Variants in USP9X observed in about 807,000 individuals in gnomAD.
The protein encoded by USP9X is ubiquitin carboxyl-terminal hydrolase 9X.
Under a neutral mutation model 190.3 loss-of-function variants are expected in USP9X, and 7 were observed. That is an observed-to-expected ratio of 0.04 (90% confidence interval 0.02 to 0.07). The LOEUF is 0.07. Among genes scored for constraint, USP9X ranks in the 10% least tolerant of loss-of-function variants. The pLI is 1.00. For synonymous variants in USP9X, 645 were observed against 659.5 expected (o/e 0.98, Z 0.34); for missense variants, 1,010 against 1,916.9 (o/e 0.53, Z 8.83).
chrX:41,097,913 T>C lies in USP9X; in HGVS notation c.-159+11804T>C, dbSNP rs528144445. On this transcript the variant is annotated intron_variant, in intron 1 of 44. Transcript: ENST00000378308. ...AGTGTCTTAGACTGCCAAGAGAAGA[T>C]GTGATGTTATCTTTTGAGTGGCTTA... is the stretch of plus-strand genomic sequence containing the variant. 2.7e-5 allele frequency among the ~76,000 whole-genome samples: 3 copies of C among 111,937 alleles called. No homozygotes were observed. The South Asian group carries it at 1.1e-3, about 41-fold the overall frequency.
chrX:41,181,313 C>G (rs2062823448), intron 21 of USP9X, among the ~76,000 whole-genome samples: 1 of 88,717 alleles, frequency 1.1e-5, no homozygotes, highest in East Asian at 3.8e-4. Flanking sequence ...GGGCCTTACT[C>G]TGTGTCCCAG....
intron 26 of USP9X, among the ~76,000 whole-genome samples, chrX:41,194,594 G>C (rs760846935): frequency 4.5e-5 from 5 of 111,206 alleles, no homozygotes; most frequent in Non-Finnish European, 7.5e-5. Flanking sequence ...GAGTTATCTA[G>C]TAACTAGCAC....
At chrX:41,147,538 C>T (rs1458260076) in intron 11 of USP9X, among the ~76,000 whole-genome samples, 2 of 103,253 alleles carry the variant, frequency 1.9e-5, no homozygotes, top group Non-Finnish European at 3.9e-5. Context: ...ACTGCATCCT[C>T]CACTTCCTGG....
rs777877199 is a variant in USP9X, at chrX:41,230,348, T to G, written c.7432-153T>G. ...GGTTTTTTGTTTTGTTTTTTTTTTT[T>G]TTGTTTTTTCCCCAAGTTCTTTATC... On this transcript the variant is annotated intron_variant, in intron 43 of 44. Transcript: ENST00000378308. Among the ~76,000 whole-genome samples, 382 of 110,870 alleles carry G rather than the reference T, an allele frequency of 3.4e-3. 3 individuals are homozygous for G. Among genetic ancestry groups the G allele is most frequent in the African/African-American group, 0.011 (346 of 30,674 alleles).
intron 14 of USP9X, among the ~76,000 whole-genome samples, chrX:41,159,595 G>A (rs1278760343): frequency 9.1e-6 from 1 of 109,832 alleles, no homozygotes; most frequent in Non-Finnish European, 1.9e-5. Flanking sequence ...AGTGGCGCCA[G>A]CTCGGCACAC....
At chrX:41,134,051 A>G (rs751213912) in intron 4 of USP9X, among the ~76,000 whole-genome samples, 1 of 112,434 alleles carries the variant, frequency 8.9e-6, no homozygotes, top group South Asian at 3.6e-4. Flanking sequence ...TAGCATTGAC[A>G]TTCAGTGGAC....
At chrX:41,093,528 G>T (rs1176744200) in intron 1 of USP9X, among the ~76,000 whole-genome samples, 2 of 111,517 alleles carry the variant, frequency 1.8e-5, no homozygotes, top group African/African-American at 6.5e-5. Flanking sequence ...ATTTTTAATA[G>T]AGTTGGGGTT....
At chrX:41,172,620 C>T (rs745921436) in intron 21 of USP9X, among the ~76,000 whole-genome samples, 12 of 112,166 alleles carry the variant, frequency 1.1e-4, no homozygotes, top group African/African-American at 3.6e-4. Context: ...TCAACATCTA[C>T]GTTTCCAAGA....
At position 41,136,863 on chromosome X, in the gene USP9X, A is replaced by G. The variant is rs757193335; in HGVS notation, c.495A>G (p.Gln165=). ...AGCTATGTGTGGCCAAGTTGTCCCAAGACTGGTTTCCACTTTTAGAACTTC... is the reference window on the plus strand; with the variant it reads ...AGCTATGTGTGGCCAAGTTGTCCCAGGACTGGTTTCCACTTTTAGAACTTC... ...LVELCVAKLS[Q]DWFPLLELLA... The change falls in exon 6 of 45, where the codon CAA becomes CAG. Residue 165 remains glutamine, a synonymous_variant. Coordinates refer to ENST00000378308, the MANE Select transcript of USP9X (RefSeq NM_001039591.3). 6 of 1,209,870 alleles carry G rather than the reference A, an allele frequency of 5.0e-6. No homozygotes were observed. Among genetic ancestry groups the G allele is most frequent in the Non-Finnish European group, 5.6e-6 (5 of 895,173 alleles).
At chrX:41,172,529 T>C (rs1245952999) in intron 21 of USP9X, among the ~76,000 whole-genome samples, 2 of 112,232 alleles carry the variant, frequency 1.8e-5, no homozygotes, top group Admixed American at 9.5e-5. Context: ...CTTACAGATA[T>C]ATACTGATTT....
At chrX:41,210,286 G>C (rs2063146592) in intron 32 of USP9X, among the ~76,000 whole-genome samples, 1 of 111,831 alleles carries the variant, frequency 8.9e-6, no homozygotes, top group Admixed American at 9.5e-5. Flanking sequence ...TTTGCCGCTA[G>C]AGTACTAGTT....
At chrX:41,213,427 T>TA (rs1361575540) in intron 33 of USP9X, among the ~76,000 whole-genome samples, 2 of 112,532 alleles carry the variant, frequency 1.8e-5, no homozygotes, top group South Asian at 3.6e-4. Flanking sequence ...TGTAGGCTAA[T>TA]ATAAGTGTTC....
At chrX:41,202,844 A>G (rs1157613560) in intron 31 of USP9X, among the ~76,000 whole-genome samples, 1 of 111,991 alleles carries the variant, frequency 8.9e-6, no homozygotes, top group Non-Finnish European at 1.9e-5. Context: ...AGAAAATATA[A>G]CACAATTTCA....
At chrX:41,192,236 T>G (rs1307152210) in intron 26 of USP9X, among the ~76,000 whole-genome samples, 1 of 112,155 alleles carries the variant, frequency 8.9e-6, no homozygotes, top group Admixed American at 9.5e-5. Flanking sequence ...CTCCATAATT[T>G]GGTCCCTGCT....
Position 41,236,142 on chromosome X carries a change from T to C in USP9X, c.*3618T>C, listed in dbSNP as rs73480481. 109 of 110,610 alleles carry C rather than the reference T, an allele frequency of 9.9e-4. No homozygotes were observed. The highest frequency in any genetic ancestry group is 3.5e-3 in the African/African-American group (105 of 30,385). The allele number at this position is 110,610 out of a possible 1,213,427, so 9.1% of individuals were successfully genotyped here. ...CTGCCGATAAAGGAAAACACTCCCC[T>C]ACACCCCAGTTTTTGTGTTACCAAG... is the stretch of plus-strand genomic sequence containing the variant. On this transcript the variant is annotated 3_prime_UTR_variant, in exon 45 of 45. Coordinates refer to ENST00000378308, the MANE Select transcript of USP9X (RefSeq NM_001039591.3).
chrX:41,110,099 C>T (rs971638222), intron 1 of USP9X, among the ~76,000 whole-genome samples: 2 of 111,029 alleles, frequency 1.8e-5, no homozygotes, highest in African/African-American at 6.6e-5. Context: ...GAAGGATTCT[C>T]AAACACCCCC....
intron 23 of USP9X, 112 bp downstream of exon 23, chrX:41,184,787 CTTAT>C (rs1012692260): frequency 2.9e-5 from 19 of 649,043 alleles, no homozygotes; most frequent in African/African-American, 4.5e-5. Context: ...TTCAAAGTGC[CTTAT>C]TTCAGAGGTT....
chrX:41,110,968 T>G (rs1463640815), intron 1 of USP9X, among the ~76,000 whole-genome samples: 2 of 111,545 alleles, frequency 1.8e-5, no homozygotes, highest in Non-Finnish European at 3.8e-5. Context: ...GTGGAAAAGA[T>G]AACATTGGAC....
At chrX:41,110,410 T>C (rs1229593503) in intron 1 of USP9X, among the ~76,000 whole-genome samples, 2 of 112,290 alleles carry the variant, frequency 1.8e-5, no homozygotes, top group Non-Finnish European at 3.8e-5. Flanking sequence ...ACAGTTTGTC[T>C]TGGGAGTGGG....
Sources: allele counts gnomAD v4.1 joint callset (sites outside exome capture counted in the v4.1 genomes callset), GRCh38; gene constraint gnomAD v4.1.1; transcripts MANE v1.5; gene names NCBI Gene and HGNC (gene_info 2026-07-23, HGNC 2026-07-21).